Variants in ZNF493 observed in about 807,000 individuals in gnomAD.
ZNF493 encodes zinc finger protein 493.
Under a neutral mutation model 12.2 loss-of-function variants are expected in ZNF493, and 11 were observed. The ratio of observed to expected loss-of-function variants is 0.90; its 90% CI spans 0.57 to 1.50. The LOEUF (loss-of-function observed/expected upper bound fraction) is 1.50. ZNF493 is among the 40% of genes most tolerant of loss of function. The pLI is 0.00. For synonymous variants in ZNF493, 286 were observed against 302.6 expected (o/e 0.95, Z 0.57); for missense variants, 950 against 906.6 (o/e 1.05, Z -0.61).
chr19:21,423,689 A>C lies in ZNF493; in HGVS notation c.1030A>C (p.Thr344Pro). ...STPTKHKIIH[T>P]EEKSHRCEEY... ...CCCTACTAAACATAAGATAATTCAC[A>C]CTGAAGAGAAATCCCACAGATGTGA... Residue 344 changes from threonine to proline, a missense_variant, in exon 4 of 4, where the codon ACT becomes CCT. Transcript: ENST00000392288. 6.2e-7 allele frequency: 1 copy of C among 1,613,826 alleles called. No homozygotes were observed. Among genetic ancestry groups the C allele is most frequent in the Non-Finnish European group, 8.5e-7 (1 of 1,179,848 alleles).
At position 21,423,797 on chromosome 19, in the gene ZNF493, G is replaced by C; in HGVS notation, c.1138G>C (p.Glu380Gln). Residue 380 changes from glutamate (E) to glutamine (Q), a missense_variant, in exon 4 of 4, where the codon GAA (glutamate) becomes CAA (glutamine). By Grantham distance (29) the Glu-to-Gln change is conservative. Coordinates refer to ENST00000392288, the MANE Select transcript of ZNF493 (RefSeq NM_001076678.3). ...IHTGEKPYKC[E>Q]ECGKAFSIFS... ...TACTGGAGAGAAACCCTACAAATGTGAAGAATGTGGCAAAGCCTTTAGTAT... is the reference window on the plus strand; with the variant it reads ...TACTGGAGAGAAACCCTACAAATGTCAAGAATGTGGCAAAGCCTTTAGTAT... 1 of 1,613,068 alleles carries C rather than the reference G, an allele frequency of 6.2e-7. No homozygotes were observed. The highest frequency in any genetic ancestry group is 8.5e-7 in the Non-Finnish European group (1 of 1,179,398).
chr19:21,405,845 T>C lies in ZNF493; in HGVS notation c.242T>C (p.Val81Ala). 6.9e-7 allele frequency: 1 copy of C among 1,456,612 alleles called. No individual in the cohort carries two copies. The highest frequency in any genetic ancestry group is 9.2e-7 in the Non-Finnish European group (1 of 1,091,814). 90.2% of individuals were successfully genotyped at this position (1,456,612 alleles called of 1,614,324 possible). The change falls in exon 3 of 4, where the codon GTC (valine) becomes GCC (alanine). Residue 81 changes from valine (V) to alanine (A), a missense_variant. Val to Ala is a moderately conservative substitution (Grantham distance 64). Coordinates refer to ENST00000392288, the MANE Select transcript of ZNF493 (RefSeq NM_001076678.3). Reference sequence around the variant, plus strand: ...AATATGAAGGGACACAGTACGGTAGTCAAACCCCCAGGTAGGTGAGAGTGA... The same window carrying C: ...AATATGAAGGGACACAGTACGGTAGCCAAACCCCCAGGTAGGTGAGAGTGA... ...PWNMKGHSTV[V>A]KPPVICSHFA... is the part of the protein sequence containing the mutation.
Position 21,424,084 on chromosome 19 carries a change from C to A in ZNF493, c.1425C>A (p.Thr475=), listed in dbSNP as rs780748909. ...ECGKAFKRSS[T]LTKHRIIHTE... ...GCAAAGCTTTTAAACGATCTTCAAC[C>A]CTTACTAAACATAGGATAATTCATA... The change falls in exon 4 of 4, where the codon ACC becomes ACA. Residue 475 remains threonine, a synonymous_variant. Transcript: ENST00000392288. 1 of 1,612,104 alleles carries A rather than the reference C, an allele frequency of 6.2e-7. No individual in the cohort carries two copies. Among genetic ancestry groups the A allele is most frequent in the Non-Finnish European group, 8.5e-7 (1 of 1,179,074 alleles).
intron 3 of ZNF493, chr19:21,414,191 G>A (rs1392066322): frequency 1.3e-5 from 2 of 152,180 alleles, no homozygotes; most frequent in Non-Finnish European, 2.9e-5. Context: ...AAGAAAAGGT[G>A]TCCACACATA....
chr19:21,399,990 T>G (rs192519242), intron 1 of ZNF493, among the ~76,000 whole-genome samples: 2 of 152,366 alleles, frequency 1.3e-5, no homozygotes, highest in Non-Finnish European at 2.9e-5. Context: ...AGATGAAACT[T>G]GATACTGCCT....
intron 3 of ZNF493, among the ~76,000 whole-genome samples, chr19:21,409,650 G>A (rs563791091): frequency 2.0e-5 from 3 of 152,124 alleles, no homozygotes; most frequent in Non-Finnish European, 4.4e-5. Context: ...GAGATTGAGA[G>A]GGGAGGATTA....
chr19:21,420,614 T>TATATATATATATATATATATATAC (rs2030637468), intron 3 of ZNF493, among the ~76,000 whole-genome samples: 1 of 20,792 alleles, frequency 4.8e-5, no homozygotes, highest in African/African-American at 2.6e-4. Flanking sequence ...TATATATATA[T>TATATATATATATATATATATATAC]ATATATATAT....
At chr19:21,401,566 T>C (rs1172988006) in intron 1 of ZNF493, among the ~76,000 whole-genome samples, 4 of 152,024 alleles carry the variant, frequency 2.6e-5, no homozygotes, top group Non-Finnish European at 5.9e-5. Flanking sequence ...AATTCAGCTG[T>C]AAATTTGTGT....
rs1375998627 is a variant in ZNF493 at position 21,423,061 on chromosome 19, G to A, written c.402G>A (p.Val134=). ...KGCKSMNECN[V]HKEGYNELNQ... ...GTAAAAGTATGAATGAGTGTAATGT[G>A]CACAAAGAAGGTTATAATGAACTAA... Residue 134 remains valine, a synonymous_variant, in exon 4 of 4, where the codon GTG becomes GTA. Coordinates refer to ENST00000392288, the MANE Select transcript of ZNF493 (RefSeq NM_001076678.3). The A allele has an allele frequency of 6.2e-7, 1 of 1,613,702 alleles. No individual in the cohort carries two copies. Among genetic ancestry groups the A allele is most frequent in the Non-Finnish European group, 8.5e-7 (1 of 1,179,832 alleles).
At chr19:21,406,615 G>GAC (rs2030139203) in intron 3 of ZNF493, among the ~76,000 whole-genome samples, 1 of 152,132 alleles carries the variant, frequency 6.6e-6, no homozygotes, top group Admixed American at 6.5e-5. Context: ...TAAAATGTAT[G>GAC]AGGGTAGTGG....
At chr19:21,397,556 G>A in intron 1 of ZNF493, 1 of 581,822 alleles carries the variant, frequency 1.7e-6, no homozygotes, top group South Asian at 2.2e-5. Flanking sequence ...GATTGTGCGG[G>A]GACCACGGGA....
chr19:21,423,906 A>G lies in ZNF493; in HGVS notation c.1247A>G (p.Glu416Gly). Residue 416 changes from glutamate to glycine, a missense_variant, in exon 4 of 4, where the codon GAG (glutamate) becomes GGG (glycine). By Grantham distance (98) the Glu-to-Gly change is moderately conservative. Transcript: ENST00000392288. Reference sequence around the variant, plus strand: ...GAAGAATGTGGCAAAGCTTATAAGGAGTCTTCACACCTTACTACACATAAA... The same window carrying G: ...GAAGAATGTGGCAAAGCTTATAAGGGGTCTTCACACCTTACTACACATAAA... ...RCEECGKAYK[E>G]SSHLTTHKRI... 6.2e-7 allele frequency: 1 copy of G among 1,612,774 alleles called. No homozygotes were observed. The highest frequency in any genetic ancestry group is 1.3e-5 in the African/African-American group (1 of 74,880).
Position 21,423,429 on chromosome 19 carries a change from G to A in ZNF493, c.770G>A (p.Arg257Lys), listed in dbSNP as rs142910830. The A allele has an allele frequency of 1.9e-6, 3 of 1,613,600 alleles. No individual in the cohort carries two copies. The highest frequency in any genetic ancestry group is 2.5e-6 in the Non-Finnish European group (3 of 1,179,800). ...GACTCAAACCTTACTACACATAAGA[G>A]AATTCATACTGGACAGAAACCCTAC... is the stretch of plus-strand genomic sequence containing the variant. ...NQDSNLTTHK[R>K]IHTGQKPYKC... is the part of the protein sequence containing the mutation. Residue 257 changes from arginine to lysine, a missense_variant, in exon 4 of 4, where the codon AGA (arginine) becomes AAA (lysine). By Grantham distance (26) the Arg-to-Lys change is conservative. Transcript: ENST00000392288.
chr19:21,397,186 C>T lies in ZNF493; in HGVS notation c.-52C>T. 1 of 1,610,408 alleles carries T rather than the reference C, an allele frequency of 6.2e-7. No individual in the cohort carries two copies. Among genetic ancestry groups the T allele is most frequent in the Non-Finnish European group, 8.5e-7 (1 of 1,176,510 alleles). On this transcript the variant is annotated 5_prime_UTR_variant, in exon 1 of 4. Transcript: ENST00000392288. ...GGTCTACCCTTCACTGCTCTGTGTC[C>T]TCAGCGTGTGTGGCTTCGTGACCTG...
chr19:21,411,231 C>CA (rs951469947), intron 3 of ZNF493, among the ~76,000 whole-genome samples: 5 of 152,148 alleles, frequency 3.3e-5, no homozygotes, highest in African/African-American at 4.8e-5. Context: ...GGCAACTTTG[C>CA]AAAAGATCAT....
chr19:21,415,716 C>A (rs1389766357), intron 3 of ZNF493, among the ~76,000 whole-genome samples: 2 of 152,110 alleles, frequency 1.3e-5, no homozygotes, highest in Non-Finnish European at 2.9e-5. Context: ...GTTTAACATG[C>A]CTTGTGGCAA....
rs372252538 is a variant in ZNF493 at position 21,426,814 on chromosome 19, G to A, written c.*1830G>A. 2 of 166,930 alleles carry A rather than the reference G, an allele frequency of 1.2e-5. No individual in the cohort carries two copies. The highest frequency in any genetic ancestry group is 2.1e-4 in the South Asian group (1 of 4,828). 10.3% of individuals were successfully genotyped at this position (166,930 alleles called of 1,614,324 possible). A position where few individuals can be genotyped will look rare whatever the true frequency, so the allele number is the denominator to read the frequency against. Reference sequence around the variant, plus strand: ...TTATAGTAGAAATATATGAGGAAGCGACACTTCGAATATTCTACTAAATGA... The same window carrying A: ...TTATAGTAGAAATATATGAGGAAGCAACACTTCGAATATTCTACTAAATGA... On this transcript the variant is annotated 3_prime_UTR_variant, in exon 4 of 4. Transcript: ENST00000392288.
At chr19:21,398,951 A>C (rs375386317) in intron 1 of ZNF493, 1 of 159,094 alleles carries the variant, frequency 6.3e-6, no homozygotes, top group Non-Finnish European at 1.4e-5. Context: ...CAACAAGAAC[A>C]AAAACAAAAC....
At chr19:21,402,341 T>G (rs1599729149) in intron 1 of ZNF493, among the ~76,000 whole-genome samples, 1 of 152,334 alleles carries the variant, frequency 6.6e-6, no homozygotes, top group East Asian at 1.9e-4. Context: ...TTCTTATTTG[T>G]TCAGTCTTTG....
Sources: allele counts gnomAD v4.1 joint callset (sites outside exome capture counted in the v4.1 genomes callset), GRCh38; gene constraint gnomAD v4.1.1; transcripts MANE v1.5; gene names NCBI Gene and HGNC (gene_info 2026-07-23, HGNC 2026-07-21).